SEMA5B: variants seen among roughly 807,000 people sequenced by gnomAD.
SEMA5B encodes semaphorin-5B.
Under a neutral mutation model 135.0 loss-of-function variants are expected in SEMA5B, and 66 were observed. That is an observed-to-expected ratio of 0.49 (90% CI 0.40 to 0.60). The LOEUF is 0.60. Ranked by LOEUF, SEMA5B falls within the 20% of genes least tolerant of loss-of-function variation. SEMA5B has a pLI of 0.00. For missense variants in SEMA5B, 1,501 were observed against 1,566.3 expected, an observed-to-expected ratio of 0.96 and a Z score of 0.70; for synonymous variants, 690 against 639.5, an observed-to-expected ratio of 1.08 and a Z score of -1.19.
intron 12 of SEMA5B, among the ~76,000 whole-genome samples, chr3:122,919,677 A>G (rs114039651): frequency 6.6e-6 from 1 of 152,204 alleles, no homozygotes; most frequent in Non-Finnish European, 1.5e-5. Flanking sequence ...CCTGGGGTAC[A>G]CAGCTTGGTG....
At chr3:122,983,585 G>C (rs145366914) in intron 1 of SEMA5B, among the ~76,000 whole-genome samples, 1 of 151,892 alleles carries the variant, frequency 6.6e-6, no homozygotes, top group East Asian at 1.9e-4. Flanking sequence ...GATGTAAAGA[G>C]CTGGCGCCTG....
At chr3:122,971,175 A>C (rs1413980757) in intron 1 of SEMA5B, among the ~76,000 whole-genome samples, 1 of 152,236 alleles carries the variant, frequency 6.6e-6, no homozygotes, top group Non-Finnish European at 1.5e-5. Flanking sequence ...AGTCCTTGGG[A>C]ATACATCAGA....
intron 1 of SEMA5B, chr3:122,974,958 G>A (rs534585508): frequency 2.6e-5 from 4 of 152,458 alleles, no homozygotes; most frequent in South Asian, 2.1e-4. Context: ...AATGGAACTG[G>A]AATAGAGTTA....
At chr3:123,013,215 A>G (rs1170445129) in intron 1 of SEMA5B, among the ~76,000 whole-genome samples, 1 of 152,198 alleles carries the variant, frequency 6.6e-6, no homozygotes, top group Non-Finnish European at 1.5e-5. Context: ...CAGTCATGCC[A>G]TCTGTAAAAT....
In SEMA5B at chr3:122,913,077, G is replaced by C. The variant is rs757311565; in HGVS notation, c.2507-16C>G. 6.4e-4 allele frequency: 916 copies of C among 1,441,440 alleles called. 1 individual carries two copies. Among genetic ancestry groups the C allele is most frequent in the Non-Finnish European group, 7.7e-4 (845 of 1,102,740 alleles). 89.3% of individuals were successfully genotyped at this position (1,441,440 alleles called of 1,614,324 possible). A position where few individuals can be genotyped will look rare whatever the true frequency, so the allele number is the denominator to read the frequency against. ...TCCACCAGGGCTGCGGAGGGGCTAG[G>C]CCTCAGCGACTGGGCGCCCGGCCAC... On this transcript the variant is annotated splice_polypyrimidine_tract_variant and intron_variant, in intron 17 of 22. Transcript: ENST00000357599.
At chr3:122,966,259 C>T (rs924360104) in intron 1 of SEMA5B, among the ~76,000 whole-genome samples, 15 of 152,138 alleles carry the variant, frequency 9.9e-5, no homozygotes, top group African/African-American at 3.6e-4. Context: ...GCCTCCAGGA[C>T]CTACCAGTGT....
At chr3:122,981,272 C>T (rs934153367) in intron 1 of SEMA5B, among the ~76,000 whole-genome samples, 2 of 131,852 alleles carry the variant, frequency 1.5e-5, no homozygotes, top group East Asian at 2.0e-4. Context: ...GGTCCTAGGC[C>T]CCTCGGGGCT....
rs759967973 is a variant in SEMA5B, at chr3:122,913,701, G to A, written c.2133-20C>T. 6.2e-7 allele frequency: 1 copy of A among 1,611,462 alleles called. No homozygotes were observed. The highest frequency in any genetic ancestry group is 8.5e-7 in the Non-Finnish European group (1 of 1,178,584). The stretch of plus-strand genomic sequence containing the variant: ...CAGAACCTGGGGTCGGGGGAGAGGC[G>A]TCAATCCAGGGAGGGGGACCCCCTT... On this transcript the variant is annotated intron_variant, in intron 15 of 22. Transcript: ENST00000357599.
chr3:123,018,842 A>G (rs1159305556), intron 1 of SEMA5B, among the ~76,000 whole-genome samples: 1 of 152,142 alleles, frequency 6.6e-6, no homozygotes, highest in Non-Finnish European at 1.5e-5. Context: ...AATTCTTCCA[A>G]CTGGCTGGAG....
In SEMA5B at chr3:122,911,507, C is replaced by G. The variant is rs1046190086; in HGVS notation, c.3075G>C (p.Glu1025Asp). The change falls in exon 21 of 23, where the codon GAG becomes GAC. Residue 1025 changes from glutamate to aspartate, a missense_variant. By Grantham distance (45) the Glu-to-Asp change is conservative. This residue lies in a region of SEMA5B where 927 missense variants were observed against 881.6 expected (regional missense o/e 1.05). Transcript: ENST00000357599. ...PVILPASSME[E>D]ATDCAGFNLI... ...TTCTTTTACCTGCACAGTCGGTGGC[C>G]TCCTCCATGCTGGAGGCTGGCAGGA... 6.2e-7 allele frequency: 1 copy of G among 1,610,040 alleles called. No individual in the cohort carries two copies. Among genetic ancestry groups the G allele is most frequent in the Non-Finnish European group, 8.5e-7 (1 of 1,178,928 alleles).
At chr3:122,923,863 A>G (rs1007021638) in intron 9 of SEMA5B, 111 bp from the exon 10 acceptor site, 6 of 1,241,148 alleles carry the variant, frequency 4.8e-6, no homozygotes, top group Admixed American at 3.7e-5. Flanking sequence ...GTAAGCATCT[A>G]TGATGTGTCT....
intron 3 of SEMA5B, 45 bp downstream of exon 3, chr3:122,948,461 G>A (rs1182029225): frequency 2.6e-6 from 4 of 1,525,572 alleles, no homozygotes; most frequent in Admixed American, 1.8e-5. Flanking sequence ...AGTCCTTCAG[G>A]ACACGGCCAT....
intron 1 of SEMA5B, among the ~76,000 whole-genome samples, chr3:122,974,218 C>T (rs1273942736): frequency 6.6e-6 from 1 of 152,248 alleles, no homozygotes; most frequent in Non-Finnish European, 1.5e-5. Context: ...CACAAACCCA[C>T]TGTCCAGCCC....
chr3:122,912,703 C>A lies in SEMA5B; in HGVS notation c.2725+140G>T, dbSNP rs1020106898. The A allele has an allele frequency of 1.1e-5, 9 of 823,832 alleles. No individual in the cohort carries two copies. The African/African-American group carries it at 1.4e-4, about 13-fold the overall frequency. The allele number at this position is 823,832 out of a possible 1,614,324, so 51.0% of individuals were successfully genotyped here. ...TCTACGGCCGGGGCAGAAATTTGCT[C>A]TGGGGGTCCCTAGCACAGAGTTGGC... On this transcript the variant is annotated intron_variant, in intron 18 of 22. Coordinates refer to ENST00000357599, the MANE Select transcript of SEMA5B (RefSeq NM_001031702.4).
intron 2 of SEMA5B, among the ~76,000 whole-genome samples, chr3:122,953,519 G>A (rs1409933951): frequency 6.6e-6 from 1 of 152,166 alleles, no homozygotes; most frequent in East Asian, 1.9e-4. Flanking sequence ...CTCGGCCCCA[G>A]CACAGCACGT....
At chr3:122,950,241 T>G (rs1939983159) in intron 2 of SEMA5B, among the ~76,000 whole-genome samples, 1 of 152,264 alleles carries the variant, frequency 6.6e-6, no homozygotes, top group South Asian at 2.1e-4. Flanking sequence ...TTCTCATCTA[T>G]GGGTTTAGCA....
Position 122,926,603 on chromosome 3 carries a change from C to T in SEMA5B, c.925G>A (p.Asp309Asn), listed in dbSNP as rs1245601461. 13 of 1,614,234 alleles carry T rather than the reference C, an allele frequency of 8.1e-6. No individual in the cohort carries two copies. The highest frequency in any genetic ancestry group is 1.1e-5 in the Non-Finnish European group (13 of 1,180,036). The change falls in exon 9 of 23, where the codon GAC (aspartate) becomes AAC (asparagine). Residue 309 changes from aspartate to asparagine, a missense_variant. By Grantham distance (23) the Asp-to-Asn change is conservative (BLOSUM62 1). Transcript: ENST00000357599. ...FFLRENAVEH[D>N]CGRTVYSRVA... The stretch of plus-strand genomic sequence containing the variant: ...CGAGAGTACACGGTGCGTCCACAGT[C>T]GTGCTCCACTGCGTTCTCCCGCAGG...
chr3:122,972,831 G>A (rs61472403), intron 1 of SEMA5B, among the ~76,000 whole-genome samples: 4 of 152,196 alleles, frequency 2.6e-5, no homozygotes, highest in Non-Finnish European at 5.9e-5. Flanking sequence ...TGAGAAGCCA[G>A]AGGCCCTGAG....
At position 122,913,560 on chromosome 3, in the gene SEMA5B, C is replaced by T. The variant is rs745756774; in HGVS notation, c.2254G>A (p.Gly752Ser). The T allele has an allele frequency of 5.0e-6, 8 of 1,612,676 alleles. No individual in the cohort carries two copies. Among genetic ancestry groups the T allele is most frequent in the Admixed American group, 3.3e-5 (2 of 59,984 alleles). Residue 752 changes from glycine to serine, a missense_variant, in exon 16 of 23, where the codon GGC (glycine) becomes AGC (serine). Physicochemically the swap from Gly to Ser is moderately conservative, Grantham distance 56. This residue lies in a region of SEMA5B where 927 missense variants were observed against 881.6 expected (regional missense o/e 1.05). Transcript: ENST00000357599. ...ACGCCGCAGCCCAGGCAGGAGTTGC[C>T]GTTCTCGCAGGCCCGACGCCGCGAC... ...MQSRRRACENGNSCLGCGVEF... is the reference protein window; with the variant it reads ...MQSRRRACENSNSCLGCGVEF...
Sources: allele counts gnomAD v4.1 joint callset (sites outside exome capture counted in the v4.1 genomes callset), GRCh38; gene constraint gnomAD v4.1.1; regional missense constraint gnomAD v4.1.1; transcripts MANE v1.5; gene names NCBI Gene and HGNC (gene_info 2026-07-23, HGNC 2026-07-21).